Variants in SMAGP observed in about 807,000 individuals in gnomAD.
SMAGP encodes small cell transmembrane and glycosylated protein.
In SMAGP, 7 loss-of-function variants were observed where a neutral mutation model predicts 10.1. The ratio of observed to expected loss-of-function variants is 0.70; its 90% CI spans 0.40 to 1.31. The LOEUF (loss-of-function observed/expected upper bound fraction) is 1.31. Among genes scored for constraint, SMAGP ranks in the 50% most tolerant of loss-of-function variants. SMAGP has a pLI of 0.01. For synonymous variants in SMAGP, 49 were observed against 47.2 expected (o/e 1.04, Z -0.16); for missense variants, 113 against 116.5 (o/e 0.97, Z 0.14).
rs1327776953 is a variant in SMAGP at position 51,269,300 on chromosome 12, T to C, written c.-22A>G. The C allele has an allele frequency of 3.7e-6, 6 of 1,613,892 alleles. No homozygotes were observed. Among genetic ancestry groups the C allele is most frequent in the Non-Finnish European group, 5.1e-6 (6 of 1,179,794 alleles). ...TCATTGTCACTAGTGGTTGAGTTTC[T>C]TGGAGAAGAGGCAGATCTGTAGGAA... On this transcript the variant is annotated 5_prime_UTR_variant, in exon 2 of 4. Coordinates refer to ENST00000603798, the MANE Select transcript of SMAGP (RefSeq NM_001031628.2).
At chr12:51,254,736 T>C (rs1330188364) in intron 2 of SMAGP, among the ~76,000 whole-genome samples, 1 of 151,844 alleles carries the variant, frequency 6.6e-6, no homozygotes, top group Non-Finnish European at 1.5e-5. Context: ...CTAAAGAAGG[T>C]AAGGGAGGCA....
intron 2 of SMAGP, among the ~76,000 whole-genome samples, chr12:51,268,422 A>G (rs1944996135): frequency 6.6e-6 from 1 of 152,220 alleles, no homozygotes. Flanking sequence ...TTTTTAAAAA[A>G]TGATTTCCCT....
chr12:51,265,909 C>T (rs1034340324), intron 2 of SMAGP, among the ~76,000 whole-genome samples: 4 of 152,002 alleles, frequency 2.6e-5, no homozygotes, highest in African/African-American at 9.7e-5. Flanking sequence ...GGTGAAACCC[C>T]GTCTCTACTA....
Position 51,250,261 on chromosome 12 carries a change from A to G in SMAGP, c.35-3430T>C, listed in dbSNP as rs78836223. ...GCCAGGTGTGGTAATATGCGCCTGTAGTCCCAGATACTCATGAGGCTGAAG... is the reference window on the plus strand; with the variant it reads ...GCCAGGTGTGGTAATATGCGCCTGTGGTCCCAGATACTCATGAGGCTGAAG... On this transcript the variant is annotated intron_variant, in intron 2 of 3. Coordinates refer to ENST00000603798, the MANE Select transcript of SMAGP (RefSeq NM_001031628.2). 4.1e-3 allele frequency among the ~76,000 whole-genome samples: 625 copies of G among 151,580 alleles called. 5 individuals are homozygous for G. Among genetic ancestry groups the G allele is most frequent in the African/African-American group, 0.014 (598 of 41,338 alleles).
At chr12:51,256,744 A>AAG (rs935641407) in intron 2 of SMAGP, among the ~76,000 whole-genome samples, 8 of 145,960 alleles carry the variant, frequency 5.5e-5, no homozygotes, top group African/African-American at 2.0e-4. Context: ...AAACAAACAA[A>AAG]AAAAACACAA....
At chr12:51,253,745 A>C (rs1015092760) in intron 2 of SMAGP, among the ~76,000 whole-genome samples, 1 of 152,228 alleles carries the variant, frequency 6.6e-6, no homozygotes. Context: ...GTCTCTACTA[A>C]AAATACAAAA....
At chr12:51,255,929 G>A (rs1057190351) in intron 2 of SMAGP, among the ~76,000 whole-genome samples, 3 of 152,070 alleles carry the variant, frequency 2.0e-5, no homozygotes, top group African/African-American at 7.2e-5. Flanking sequence ...GCACCACCAT[G>A]CCTGGCTAAT....
chr12:51,255,725 C>A lies in SMAGP; in HGVS notation c.35-8894G>T, dbSNP rs117886500. Among the ~76,000 whole-genome samples the A allele has an allele frequency of 2.3e-4, 35 of 152,314 alleles. 1 individual carries two copies. The East Asian group carries it at 5.4e-3, about 23-fold the overall frequency. ...GGCACACGTGCAGAAGCAGGGTGTA[C>A]CCTGCACAAGTGCACAGTTGCATCT... On this transcript the variant is annotated intron_variant, in intron 2 of 3. Coordinates refer to ENST00000603798, the MANE Select transcript of SMAGP (RefSeq NM_001031628.2).
intron 2 of SMAGP, among the ~76,000 whole-genome samples, chr12:51,248,379 G>A (rs1188002093): frequency 6.6e-6 from 1 of 151,308 alleles, no homozygotes; most frequent in Admixed American, 6.6e-5. Flanking sequence ...GGCCTTGGGC[G>A]AATGGTTACT....
intron 2 of SMAGP, among the ~76,000 whole-genome samples, chr12:51,248,434 A>ACT (rs56012746): frequency 1.6e-3 from 127 of 77,564 alleles, no homozygotes; most frequent in African/African-American, 2.4e-3. Context: ...ACACACACAC[A>ACT]CTCTCTCTCT....
chr12:51,255,244 C>T (rs1944875003), intron 2 of SMAGP, among the ~76,000 whole-genome samples: 1 of 152,132 alleles, frequency 6.6e-6, no homozygotes, highest in Non-Finnish European at 1.5e-5. Flanking sequence ...CTATGTTGCC[C>T]AGGCTCGTCT....
chr12:51,258,984 CAAAAAAAAA>C (rs35000436), intron 2 of SMAGP, among the ~76,000 whole-genome samples: 1 of 50,976 alleles, frequency 2.0e-5, no homozygotes, highest in Non-Finnish European at 3.4e-5. Flanking sequence ...CTGTCTCTAC[CAAAAAAAAA>C]AAAAAAAAAA....
rs150328598 is a variant in SMAGP at position 51,260,615 on chromosome 12, T to C, written c.34+8630A>G. On this transcript the variant is annotated intron_variant, in intron 2 of 3. Transcript: ENST00000603798. ...GGATGGTCTCAATCTCCTGACCTCGTGATCCACCCGTCTTGGCCTCCCAAA... is the reference window on the plus strand; with the variant it reads ...GGATGGTCTCAATCTCCTGACCTCGCGATCCACCCGTCTTGGCCTCCCAAA... Among the ~76,000 whole-genome samples, 1,286 of 150,442 alleles carry C rather than the reference T, an allele frequency of 8.5e-3. 23 individuals carry two copies. Among genetic ancestry groups the C allele is most frequent in the African/African-American group, 0.03 (1,210 of 40,850 alleles).
intron 2 of SMAGP, among the ~76,000 whole-genome samples, chr12:51,250,498 G>GT (rs1944826707): frequency 1.1e-5 from 1 of 90,510 alleles, no homozygotes; most frequent in Admixed American, 1.2e-4. Context: ...TGTTGTTGTT[G>GT]TGTTTTTTTT....
intron 2 of SMAGP, among the ~76,000 whole-genome samples, chr12:51,267,587 G>A (rs775787155): frequency 1.1e-4 from 16 of 150,664 alleles, no homozygotes; most frequent in Non-Finnish European, 2.2e-4. Context: ...TCCATCTCCT[G>A]GGCTCAAGGG....
intron 2 of SMAGP, among the ~76,000 whole-genome samples, chr12:51,248,438 TCTCTCTCTC>T (rs1944804797): frequency 2.8e-5 from 1 of 35,300 alleles, no homozygotes; most frequent in South Asian, 8.5e-4. Context: ...ACACACACTC[TCTCTCTCTC>T]TCTCTCTCTC....
chr12:51,267,633 A>G (rs903808510), intron 2 of SMAGP, among the ~76,000 whole-genome samples: 4 of 151,648 alleles, frequency 2.6e-5, no homozygotes, highest in African/African-American at 9.7e-5. Flanking sequence ...AGCTGGAACC[A>G]CAGGTGTCTA....
At chr12:51,247,113 T>A (rs1305393542) in intron 2 of SMAGP, among the ~76,000 whole-genome samples, 1 of 152,178 alleles carries the variant, frequency 6.6e-6, no homozygotes, top group Non-Finnish European at 1.5e-5. Context: ...CTCTGTCCTT[T>A]ACTAGCTGTG....
intron 2 of SMAGP, among the ~76,000 whole-genome samples, chr12:51,254,287 G>A (rs1294927497): frequency 5.9e-5 from 9 of 152,196 alleles, no homozygotes; most frequent in African/African-American, 1.4e-4. Context: ...GGTGGCTCAT[G>A]CCTGTAATCC....
Sources: gnomAD v4.1 joint callset for allele counts (sites outside exome capture counted in the v4.1 genomes callset) on GRCh38, gnomAD v4.1.1 for gene constraint, MANE v1.5 for transcripts, NCBI Gene and HGNC (gene_info 2026-07-23, HGNC 2026-07-21) for gene names.